Variants in SGMS2 observed in about 807,000 individuals in gnomAD.
SGMS2 encodes the protein sphingomyelin synthase 2.
SGMS2 carries 21 observed loss-of-function variants against 43.8 expected under a neutral mutation model. The ratio of observed to expected loss-of-function variants is 0.48; its 90% CI spans 0.34 to 0.69. The LOEUF is 0.69. Ranked by LOEUF, SGMS2 falls within the 30% of genes least tolerant of loss-of-function variation. SGMS2 has a pLI of 0.01. For missense variants in SGMS2, 384 were observed against 443.2 expected, an observed-to-expected ratio of 0.87 and a Z score of 1.20; for synonymous variants, 167 against 160.6, an observed-to-expected ratio of 1.04 and a Z score of -0.30.
At chr4:107,864,176 G>T (rs10030585) in intron 2 of SGMS2, 82,362 of 152,128 alleles carry the variant, frequency 0.54, 23,288 homozygotes, top group African/African-American at 0.67. Flanking sequence ...AGAGTTCTAA[G>T]TTCGCTTGAA....
intron 1 of SGMS2, among the ~76,000 whole-genome samples, chr4:107,856,988 G>A (rs1727465103): frequency 6.6e-6 from 1 of 152,104 alleles, no homozygotes; most frequent in African/African-American, 2.4e-5. Flanking sequence ...CAGCACTCCA[G>A]AAAGAAACCC....
intron 1 of SGMS2, among the ~76,000 whole-genome samples, chr4:107,831,618 G>A (rs1049058935): frequency 2.0e-5 from 3 of 152,122 alleles, no homozygotes; most frequent in East Asian, 1.9e-4. Context: ...GTTCAGTCCC[G>A]TTGTGTCAAA....
intron 2 of SGMS2, among the ~76,000 whole-genome samples, chr4:107,875,132 T>G (rs2126066360): frequency 6.6e-6 from 1 of 152,322 alleles, no homozygotes; most frequent in South Asian, 2.1e-4. Context: ...AGTGGCTTAT[T>G]TAGTCACTCA....
At chr4:107,898,702 C>T (rs1419490293) in intron 3 of SGMS2, among the ~76,000 whole-genome samples, 1 of 152,124 alleles carries the variant, frequency 6.6e-6, no homozygotes, top group Non-Finnish European at 1.5e-5. Context: ...CATTCAGATA[C>T]CCATGAGGCA....
At chr4:107,884,888 T>C (rs956863875) in intron 2 of SGMS2, among the ~76,000 whole-genome samples, 2 of 152,180 alleles carry the variant, frequency 1.3e-5, no homozygotes, top group Non-Finnish European at 2.9e-5. Context: ...GTGTGCATCC[T>C]CAACCTTGGC....
rs1253114189 is a variant in SGMS2 at position 107,825,082 on chromosome 4, C to G, written c.-498C>G. 1.3e-5 allele frequency: 2 copies of G among 152,138 alleles called. No homozygotes were observed. Among genetic ancestry groups the G allele is most frequent in the Admixed American group, 6.5e-5 (1 of 15,276 alleles). 9.4% of individuals were successfully genotyped at this position (152,138 alleles called of 1,614,324 possible). ...AGAGCTGCTTCCCCTAGTCAGGCCG[C>G]GGCGTGGGAGGGCGAGACCCCGAGC... On this transcript the variant is annotated 5_prime_UTR_variant, in exon 1 of 7. Coordinates refer to ENST00000690982, the MANE Select transcript of SGMS2 (RefSeq NM_001375905.1).
chr4:107,885,881 A>G (rs1282157376), intron 2 of SGMS2, among the ~76,000 whole-genome samples: 1 of 152,212 alleles, frequency 6.6e-6, no homozygotes, highest in Non-Finnish European at 1.5e-5. Flanking sequence ...CAACAAAGAC[A>G]AAAATGGCCT....
At chr4:107,879,225 A>G (rs187440625) in intron 2 of SGMS2, among the ~76,000 whole-genome samples, 43 of 151,136 alleles carry the variant, frequency 2.8e-4, no homozygotes, top group African/African-American at 1.0e-3. Flanking sequence ...TTGTTTAATT[A>G]CAAGTTTTTT....
chr4:107,853,314 A>T (rs1727255393), intron 1 of SGMS2, among the ~76,000 whole-genome samples: 1 of 152,210 alleles, frequency 6.6e-6, no homozygotes, highest in African/African-American at 2.4e-5. Context: ...TTGGGCAGAG[A>T]GAAGTACAGA....
intron 1 of SGMS2, among the ~76,000 whole-genome samples, chr4:107,833,234 G>A (rs58358870): frequency 4.6e-5 from 7 of 151,880 alleles, no homozygotes; most frequent in Non-Finnish European, 8.8e-5. Context: ...TATTTTTTTA[G>A]CTTTAGGGTT....
chr4:107,862,247 C>T (rs78657869), intron 2 of SGMS2, among the ~76,000 whole-genome samples: 6,266 of 152,170 alleles, frequency 0.041, 200 homozygotes, highest in East Asian at 0.1. Context: ...TTTTTGGCTC[C>T]TAGAGTAACC....
At chr4:107,876,681 T>C (rs1016773012) in intron 2 of SGMS2, among the ~76,000 whole-genome samples, 1 of 152,220 alleles carries the variant, frequency 6.6e-6, no homozygotes, top group African/African-American at 2.4e-5. Flanking sequence ...AAGAGCTGTA[T>C]TAAAATAGAG....
intron 2 of SGMS2, chr4:107,867,045 A>T (rs1183048225): frequency 6.6e-6 from 1 of 152,138 alleles, no homozygotes; most frequent in Non-Finnish European, 1.5e-5. Context: ...CAGATTTCAG[A>T]TGAGATTTTG....
intron 2 of SGMS2, among the ~76,000 whole-genome samples, chr4:107,890,674 CAAAA>C (rs58069785): frequency 6.4e-5 from 4 of 62,810 alleles, no homozygotes; most frequent in Admixed American, 1.8e-4. Flanking sequence ...TACTCCACCT[CAAAA>C]AAAAAAAAAA....
chr4:107,892,259 G>C (rs1019519631), intron 2 of SGMS2, among the ~76,000 whole-genome samples: 1 of 140,656 alleles, frequency 7.1e-6, no homozygotes, highest in African/African-American at 2.6e-5. Flanking sequence ...AAAAAAAAAG[G>C]TTGTACAGCA....
At chr4:107,886,648 A>G (rs142560398) in intron 2 of SGMS2, 4 of 152,238 alleles carry the variant, frequency 2.6e-5, no homozygotes, top group African/African-American at 9.6e-5. Context: ...CCTGTCAGAA[A>G]GTGACATTCT....
At chr4:107,894,698 A>T (rs1228809528) in intron 2 of SGMS2, among the ~76,000 whole-genome samples, 1 of 152,114 alleles carries the variant, frequency 6.6e-6, no homozygotes, top group African/African-American at 2.4e-5. Flanking sequence ...CTTTTCTTGT[A>T]TATGGTGTGC....
chr4:107,869,206 G>T (rs1397474127), intron 2 of SGMS2, among the ~76,000 whole-genome samples: 1 of 152,150 alleles, frequency 6.6e-6, no homozygotes, highest in African/African-American at 2.4e-5. Context: ...GTATTTGAAA[G>T]TTCATTTCTA....
rs980208424 is a variant in SGMS2 at position 107,907,118 on chromosome 4, A to G, written c.728-1447A>G. ...TCTCCCATTAAAATTCTGAGATTCC[A>G]TGAGTTTTCTTCCAGAACTTAGTGG... On this transcript the variant is annotated intron_variant, in intron 5 of 6. Coordinates refer to ENST00000690982, the MANE Select transcript of SGMS2 (RefSeq NM_001375905.1). 7.2e-5 allele frequency: 11 copies of G among 152,202 alleles called. No individual in the cohort carries two copies. In the East Asian group the frequency reaches 1.9e-3, roughly 27 times the overall value. The allele number at this position is 152,202 out of a possible 1,614,324, so 9.4% of individuals were successfully genotyped here.
Sources: gnomAD v4.1 joint callset for allele counts (sites outside exome capture counted in the v4.1 genomes callset) on GRCh38, gnomAD v4.1.1 for gene constraint, MANE v1.5 for transcripts, NCBI Gene and HGNC (gene_info 2026-07-23, HGNC 2026-07-21) for gene names.